LRRC4C: variants seen among roughly 807,000 people sequenced by gnomAD.
LRRC4C encodes leucine rich repeat containing 4C, also known as leucine-rich repeat-containing protein 4C.
In LRRC4C, 5 loss-of-function variants were observed where a neutral mutation model predicts 33.6. That is an observed-to-expected ratio of 0.15 (90% CI 0.08 to 0.31). LRRC4C has a LOEUF of 0.31. Ranked by LOEUF, LRRC4C falls within the 10% of genes least tolerant of loss-of-function variation. The pLI is 1.00. For synonymous variants in LRRC4C, 329 were observed against 302.0 expected (o/e 1.09, Z -0.93); for missense variants, 560 against 796.7 (o/e 0.70, Z 3.58).
At chr11:40,797,260 G>A (rs193189447) in intron 2 of LRRC4C, among the ~76,000 whole-genome samples, 28 of 152,182 alleles carry the variant, frequency 1.8e-4, no homozygotes, top group Admixed American at 9.2e-4. Flanking sequence ...AAATAGAAAT[G>A]GAGAGTATGG....
rs140397706 is a variant in LRRC4C at position 40,571,765 on chromosome 11, G to A, written c.-270+76377C>T. On this transcript the variant is annotated intron_variant, in intron 3 of 6. Coordinates refer to ENST00000528697, the MANE Select transcript of LRRC4C (RefSeq NM_001258419.2). ...ATAGCTTAGAACATCTCAATTTGAA[G>A]CCTTCAGGTTTTATTGGCAACTTTT... 2.6e-3 allele frequency among the ~76,000 whole-genome samples: 392 copies of A among 152,266 alleles called. 2 individuals carry two copies. The highest frequency in any genetic ancestry group is 9.1e-3 in the African/African-American group (379 of 41,562).
intron 1 of LRRC4C, among the ~76,000 whole-genome samples, chr11:41,230,917 A>AAC (rs770908254): frequency 0.016 from 2,454 of 150,688 alleles, 41 homozygotes; most frequent in Non-Finnish European, 0.026. Flanking sequence ...AAAAAAAAAA[A>AAC]AAAAAACCAA....
chr11:41,245,398 A>G (rs550133964), intron 1 of LRRC4C, among the ~76,000 whole-genome samples: 1 of 152,346 alleles, frequency 6.6e-6, no homozygotes, highest in South Asian at 2.1e-4. Context: ...GGGTCCAGCC[A>G]CTGTGAACAG....
intron 4 of LRRC4C, among the ~76,000 whole-genome samples, chr11:40,305,476 A>G (rs1026492695): frequency 1.4e-4 from 21 of 152,326 alleles, no homozygotes; most frequent in Middle Eastern, 3.4e-3. Flanking sequence ...ACTGCATAAT[A>G]TTGATAAGAA....
intron 5 of LRRC4C, among the ~76,000 whole-genome samples, chr11:40,214,159 G>C (rs1352735862): frequency 2.0e-5 from 3 of 152,100 alleles, no homozygotes; most frequent in African/African-American, 7.2e-5. Flanking sequence ...TTCTGGGAAG[G>C]CCTTTGAAAT....
intron 3 of LRRC4C, among the ~76,000 whole-genome samples, chr11:40,394,918 C>T (rs1371679): frequency 0.38 from 57,638 of 151,838 alleles, 11,308 homozygotes; most frequent in South Asian, 0.47. Flanking sequence ...TCAACCTTGA[C>T]GGCCTTAATG....
Position 41,320,068 on chromosome 11 carries a change from G to C in LRRC4C, c.-496+139363C>G, listed in dbSNP as rs1358186727. 2.0e-5 allele frequency among the ~76,000 whole-genome samples: 3 copies of C among 152,036 alleles called. No homozygotes were observed. In the East Asian group the frequency reaches 5.8e-4, roughly 29 times the overall value. ...TAAAAAAGTATAGAATTTTGACTAT[G>C]GTAACCAATCTGTCTTTTTATTTAT... is the stretch of plus-strand genomic sequence containing the variant. On this transcript the variant is annotated intron_variant, in intron 1 of 6. Coordinates refer to ENST00000528697, the MANE Select transcript of LRRC4C (RefSeq NM_001258419.2).
chr11:40,701,622 T>C (rs1273063101), intron 2 of LRRC4C, among the ~76,000 whole-genome samples: 1 of 148,934 alleles, frequency 6.7e-6, no homozygotes, highest in Non-Finnish European at 1.5e-5. Context: ...TATGTATACA[T>C]ATATACATGA....
chr11:40,415,205 T>C (rs1950282708), intron 3 of LRRC4C, among the ~76,000 whole-genome samples: 1 of 152,154 alleles, frequency 6.6e-6, no homozygotes, highest in South Asian at 2.1e-4. Flanking sequence ...AGAACTTTAG[T>C]GGAAAAGTTC....
At chr11:41,064,010 G>C (rs1938009784) in intron 1 of LRRC4C, among the ~76,000 whole-genome samples, 1 of 152,132 alleles carries the variant, frequency 6.6e-6, no homozygotes, top group Non-Finnish European at 1.5e-5. Flanking sequence ...AAGATGACAA[G>C]ATCCCAGTTA....
At chr11:40,599,129 A>G (rs1959696566) in intron 3 of LRRC4C, among the ~76,000 whole-genome samples, 1 of 151,952 alleles carries the variant, frequency 6.6e-6, no homozygotes, top group Non-Finnish European at 1.5e-5. Context: ...ACAGCCCTTC[A>G]TGTTACAGCT....
At chr11:41,339,172 A>T (rs79775163) in intron 1 of LRRC4C, among the ~76,000 whole-genome samples, 1 of 152,172 alleles carries the variant, frequency 6.6e-6, no homozygotes, top group Admixed American at 6.6e-5. Context: ...TCACTTTATG[A>T]TATTGCTAGA....
rs769578157 is a variant in LRRC4C at position 40,673,034 on chromosome 11, G to GA, written c.-406-24757dup. Among the ~76,000 whole-genome samples the GA allele has an allele frequency of 1.4e-3, 201 of 141,496 alleles. 1 individual carries two copies. The highest frequency in any genetic ancestry group is 3.6e-3 in the African/African-American group (142 of 39,044). 92.8% of individuals were successfully genotyped at this position (141,496 alleles called of 152,430 possible). A position where few individuals can be genotyped will look rare whatever the true frequency, so the allele number is the denominator to read the frequency against. ...AATATTACCTAAGCCTATCTTAAAA[G>GA]AAAAAAAAAAACAGTTAAGTAGCAA... On this transcript the variant is annotated intron_variant, in intron 2 of 6. Transcript: ENST00000528697.
chr11:40,900,433 T>C (rs1439389608), intron 2 of LRRC4C, among the ~76,000 whole-genome samples: 1 of 152,112 alleles, frequency 6.6e-6, no homozygotes. Context: ...AGAAACCACT[T>C]GGCAATAATT....
intron 2 of LRRC4C, among the ~76,000 whole-genome samples, chr11:40,880,212 T>G (rs1438800613): frequency 6.6e-6 from 1 of 152,046 alleles, no homozygotes; most frequent in East Asian, 1.9e-4. Flanking sequence ...ATATCAGAGC[T>G]GATATATTCC....
intron 4 of LRRC4C, among the ~76,000 whole-genome samples, chr11:40,244,436 C>T (rs1049425513): frequency 1.6e-4 from 25 of 152,122 alleles, no homozygotes; most frequent in Non-Finnish European, 3.7e-4. Context: ...TAACTGAACT[C>T]CTATGGTAGG....
intron 1 of LRRC4C, among the ~76,000 whole-genome samples, chr11:41,015,696 T>C (rs899917220): frequency 3.9e-5 from 6 of 152,164 alleles, no homozygotes; most frequent in Non-Finnish European, 7.3e-5. Context: ...ATAATTTAAA[T>C]TTGGAAAAAA....
chr11:40,899,098 G>A (rs199514290), intron 2 of LRRC4C, among the ~76,000 whole-genome samples: 15 of 149,112 alleles, frequency 1.0e-4, no homozygotes, highest in Non-Finnish European at 5.9e-5. Context: ...TGGTCATTTT[G>A]AAAAAAAAAA....
At chr11:40,546,076 T>A (rs149305827) in intron 3 of LRRC4C, among the ~76,000 whole-genome samples, 2,945 of 66,734 alleles carry the variant, frequency 0.044, 79 homozygotes, top group African/African-American at 0.13. Flanking sequence ...CTTCCTTCCT[T>A]CCTTCCTACC....
Sources: gnomAD v4.1 joint callset for allele counts (sites outside exome capture counted in the v4.1 genomes callset) on GRCh38, gnomAD v4.1.1 for gene constraint, MANE v1.5 for transcripts, NCBI Gene and HGNC (gene_info 2026-07-23, HGNC 2026-07-21) for gene names.